Variants in TOLLIP observed in about 807,000 individuals in gnomAD.
TOLLIP encodes the protein toll-interacting protein.
Under a neutral mutation model 33.5 loss-of-function variants are expected in TOLLIP, and 16 were observed. That is an observed-to-expected ratio of 0.48 (90% CI 0.32 to 0.72). The LOEUF (loss-of-function observed/expected upper bound fraction) is 0.72. Among genes scored for constraint, TOLLIP ranks in the 30% least tolerant of loss-of-function variants. The pLI is 0.03. For synonymous variants in TOLLIP, 176 were observed against 163.7 expected, an observed-to-expected ratio of 1.07 and a Z score of -0.57; for missense variants, 325 against 396.6, an observed-to-expected ratio of 0.82 and a Z score of 1.53.
At chr11:1,307,434 G>A (rs1380124059) in intron 1 of TOLLIP, among the ~76,000 whole-genome samples, 1 of 152,178 alleles carries the variant, frequency 6.6e-6, no homozygotes, top group Non-Finnish European at 1.5e-5. Context: ...GCTGCACGCC[G>A]GTGCCCCTCA....
At chr11:1,279,137 G>A (rs551376139) in intron 5 of TOLLIP, among the ~76,000 whole-genome samples, 17 of 152,386 alleles carry the variant, frequency 1.1e-4, no homozygotes, top group Admixed American at 3.3e-4. Context: ...ACGCTGCGAC[G>A]TCACGGCCTG....
At position 1,286,066 on chromosome 11, in the gene TOLLIP, T is replaced by G; in HGVS notation, c.546A>C (p.Pro182=). Residue 182 remains proline, a synonymous_variant, in exon 5 of 6, where the codon CCA becomes CCC. Coordinates refer to ENST00000317204, the MANE Select transcript of TOLLIP (RefSeq NM_019009.4). ...YALLPAAMVM[P]PQPVVLMPTV... is the part of the protein sequence containing the mutation. ...TTGGCATCAGGACCACGGGCTGGGG[T>G]GGCATCACCATGGCAGCTGGAAGCA... 1 of 1,599,316 alleles carries G rather than the reference T, an allele frequency of 6.3e-7. No individual in the cohort carries two copies. The highest frequency in any genetic ancestry group is 8.5e-7 in the Non-Finnish European group (1 of 1,174,300).
Position 1,276,675 on chromosome 11 carries a change from T to A in TOLLIP, c.*364A>T. ...ATTCCAATTACATCACATCACAAAA[T>A]GCCATGAATGGAATCGGAAGGCGCT... On this transcript the variant is annotated 3_prime_UTR_variant, in exon 6 of 6. Coordinates refer to ENST00000317204, the MANE Select transcript of TOLLIP (RefSeq NM_019009.4). The A allele has an allele frequency of 1.5e-6, 2 of 1,361,074 alleles. No homozygotes were observed. The highest frequency in any genetic ancestry group is 1.9e-6 in the Non-Finnish European group (2 of 1,035,606). The allele number at this position is 1,361,074 out of a possible 1,614,324, so 84.3% of individuals were successfully genotyped here. A position where few individuals can be genotyped will look rare whatever the true frequency, so the allele number is the denominator to read the frequency against.
At chr11:1,308,484 C>A (rs991893120) in intron 1 of TOLLIP, among the ~76,000 whole-genome samples, 2 of 152,218 alleles carry the variant, frequency 1.3e-5, no homozygotes, top group African/African-American at 4.8e-5. Context: ...TACAAATTAC[C>A]CAGTCTCGGT....
chr11:1,297,640 C>T (rs573038654), intron 1 of TOLLIP, among the ~76,000 whole-genome samples: 3 of 152,386 alleles, frequency 2.0e-5, no homozygotes, highest in East Asian at 3.9e-4. Context: ...TGAGAGAAGC[C>T]GTACTGCGAG....
chr11:1,307,401 T>A (rs1173236548), intron 1 of TOLLIP, among the ~76,000 whole-genome samples: 1 of 152,208 alleles, frequency 6.6e-6, no homozygotes, highest in Non-Finnish European at 1.5e-5. Flanking sequence ...CCGCTCCCAC[T>A]TCCTCATCGC....
chr11:1,284,757 CA>C (rs1863631121), intron 5 of TOLLIP, among the ~76,000 whole-genome samples: 1 of 152,210 alleles, frequency 6.6e-6, no homozygotes, highest in South Asian at 2.1e-4. Context: ...CGGGCGGCTT[CA>C]CATGGAAACA....
At position 1,288,766 on chromosome 11, in the gene TOLLIP, G is replaced by T; in HGVS notation, c.377C>A (p.Ser126Tyr). ...GGTCCAGGCAATGCGGTCGTCCATG[G>T]AGAAGGCTCTCTGCGGGAGACAAGA... ...YLEIFDERAF[S>Y]MDDRIAWTHI... The change falls in exon 4 of 6, where the codon TCC (serine) becomes TAC (tyrosine). Residue 126 changes from serine to tyrosine, a missense_variant. Physicochemically the swap from Ser to Tyr is moderately radical, Grantham distance 144 (BLOSUM62 -2). Transcript: ENST00000317204. 6.2e-7 allele frequency: 1 copy of T among 1,612,246 alleles called. No homozygotes were observed. Among genetic ancestry groups the T allele is most frequent in the Non-Finnish European group, 8.5e-7 (1 of 1,179,542 alleles).
intron 5 of TOLLIP, among the ~76,000 whole-genome samples, chr11:1,281,371 T>G (rs1427109195): frequency 1.3e-5 from 2 of 152,104 alleles, no homozygotes; most frequent in Non-Finnish European, 2.9e-5. Context: ...GGACTCTGGT[T>G]TTTCACTGAG....
At chr11:1,289,476 G>T (rs1863859382) in intron 3 of TOLLIP, among the ~76,000 whole-genome samples, 1 of 152,268 alleles carries the variant, frequency 6.6e-6, no homozygotes, top group African/African-American at 2.4e-5. Flanking sequence ...TGCAGGTGCA[G>T]CCACGGACGG....
Position 1,282,705 on chromosome 11 carries a change from C to T in TOLLIP, c.610+3297G>A, listed in dbSNP as rs1268283378. Among the ~76,000 whole-genome samples, 14 of 151,764 alleles carry T rather than the reference C, an allele frequency of 9.2e-5. No individual in the cohort carries two copies. The South Asian group carries it at 1.2e-3, about 13-fold the overall frequency. ...AAATGACGAGTCAATGGGTGCAGCA[C>T]ACCAACATGGCACACGGATACATAT... On this transcript the variant is annotated intron_variant, in intron 5 of 5. Transcript: ENST00000317204.
chr11:1,306,666 C>T lies in TOLLIP; in HGVS notation c.33+2800G>A, dbSNP rs982176507. Among the ~76,000 whole-genome samples, 5 of 152,112 alleles carry T rather than the reference C, an allele frequency of 3.3e-5. 1 individual carries two copies. Among genetic ancestry groups the T allele is most frequent in the Admixed American group, 2.0e-4 (3 of 15,272 alleles). On this transcript the variant is annotated intron_variant, in intron 1 of 5. Coordinates refer to ENST00000317204, the MANE Select transcript of TOLLIP (RefSeq NM_019009.4). ...AGGGGCTGGGGTGGGTCATGCTCAG[C>T]GAAGCAGGCTGGTGCCAAGGCGGGC...
At chr11:1,294,092 C>A (rs531493256) in intron 2 of TOLLIP, among the ~76,000 whole-genome samples, 4 of 151,998 alleles carry the variant, frequency 2.6e-5, no homozygotes, top group Non-Finnish European at 4.4e-5. Context: ...CCTTTCCCTG[C>A]ATTTCTACGA....
chr11:1,284,774 T>A (rs1379827694), intron 5 of TOLLIP, among the ~76,000 whole-genome samples: 1 of 152,198 alleles, frequency 6.6e-6, no homozygotes. Flanking sequence ...AAACAGAGTC[T>A]ATAATGTGAG....
intron 1 of TOLLIP, chr11:1,306,327 C>T (rs1484854690): frequency 6.6e-6 from 1 of 152,166 alleles, no homozygotes; most frequent in Non-Finnish European, 1.5e-5. Flanking sequence ...CAAAAGAACC[C>T]TCCCAGGACC....
At chr11:1,299,804 C>T (rs1014363729) in intron 1 of TOLLIP, among the ~76,000 whole-genome samples, 1 of 152,238 alleles carries the variant, frequency 6.6e-6, no homozygotes, top group Non-Finnish European at 1.5e-5. Context: ...CCTGAGGCTG[C>T]GTCACCTGTG....
At chr11:1,286,454 T>C (rs1393760802) in intron 4 of TOLLIP, among the ~76,000 whole-genome samples, 1 of 152,182 alleles carries the variant, frequency 6.6e-6, no homozygotes, top group Non-Finnish European at 1.5e-5. Context: ...AAGTGTCAAC[T>C]TCACATAAGT....
At chr11:1,279,146 TG>T (rs1307976772) in intron 5 of TOLLIP, among the ~76,000 whole-genome samples, 6 of 152,234 alleles carry the variant, frequency 3.9e-5, no homozygotes, top group Non-Finnish European at 5.9e-5. Flanking sequence ...CGTCACGGCC[TG>T]GGGTGTCCCG....
intron 5 of TOLLIP, among the ~76,000 whole-genome samples, chr11:1,285,670 G>A (rs1217302383): frequency 7.2e-6 from 1 of 139,786 alleles, no homozygotes; most frequent in Admixed American, 7.0e-5. Flanking sequence ...CACCTGACAG[G>A]GGCGTGAGGT....
Sources: gnomAD v4.1 joint callset for allele counts (sites outside exome capture counted in the v4.1 genomes callset) on GRCh38, gnomAD v4.1.1 for gene constraint, MANE v1.5 for transcripts, NCBI Gene and HGNC (gene_info 2026-07-23, HGNC 2026-07-21) for gene names.